MCPH1: variants seen among roughly 807,000 people sequenced by gnomAD.
The protein encoded by MCPH1 is microcephalin.
A neutral mutation model predicts 84.5 loss-of-function variants in MCPH1; 104 were observed. The observed-to-expected ratio is 1.23, with a 90% CI of 1.05 to 1.45. The LOEUF (loss-of-function observed/expected upper bound fraction) is 1.45. Ranked by LOEUF, MCPH1 falls within the 40% of genes most tolerant of loss-of-function variation. The pLI is 0.00. For missense variants in MCPH1, 1,498 were observed against 1,005.7 expected (o/e 1.49, Z -6.62); for synonymous variants, 514 against 366.8 (o/e 1.40, Z -4.58).
chr8:6,469,559 G>C (rs1215148128), intron 9 of MCPH1, among the ~76,000 whole-genome samples: 1 of 151,996 alleles, frequency 6.6e-6, no homozygotes, highest in African/African-American at 2.4e-5. Context: ...TATTTAGATG[G>C]GCTTATACTG....
In MCPH1 at chr8:6,505,458, A is replaced by T. The variant is rs1290116134; in HGVS notation, c.2214+5529A>T. Among the ~76,000 whole-genome samples the T allele has an allele frequency of 1.7e-4, 12 of 71,292 alleles. 1 individual carries two copies. The highest frequency in any genetic ancestry group is 6.0e-4 in the African/African-American group (12 of 20,018). 46.8% of individuals were successfully genotyped at this position (71,292 alleles called of 152,430 possible). Reference sequence around the variant, plus strand: ...TATATTCTTTATATACATATAGAATATATATATTCTTTACATATATAGAAT... The same window carrying T: ...TATATTCTTTATATACATATAGAATTTATATATTCTTTACATATATAGAAT... On this transcript the variant is annotated intron_variant, in intron 12 of 13. Coordinates refer to ENST00000344683, the MANE Select transcript of MCPH1 (RefSeq NM_024596.5).
In MCPH1 at chr8:6,527,431, G is replaced by A. The variant is rs57630495; in HGVS notation, c.2214+27502G>A. The A allele has an allele frequency of 2.2e-3, 2,649 of 1,189,872 alleles. 55 individuals are homozygous for A. In the South Asian group the frequency reaches 0.029, roughly 13 times the overall value. 73.7% of individuals were successfully genotyped at this position (1,189,872 alleles called of 1,614,324 possible). ...CCCTCTCCCTTCTCCTCCCTCATGA[G>A]GTTTCTGACCCTTACACTAGACATG... On this transcript the variant is annotated intron_variant, in intron 12 of 13. Transcript: ENST00000344683.
At chr8:6,521,195 A>G (rs1388929577) in intron 12 of MCPH1, 3 of 1,613,026 alleles carry the variant, frequency 1.9e-6, no homozygotes, top group East Asian at 2.2e-5. Context: ...TGTGGACATC[A>G]TAGTCAGTAA....
intron 9 of MCPH1, among the ~76,000 whole-genome samples, chr8:6,458,288 C>T (rs773240351): frequency 3.3e-5 from 5 of 151,904 alleles, no homozygotes; most frequent in Admixed American, 6.6e-5. Context: ...CTGGCTAAGA[C>T]GGTGAAACCC....
chr8:6,557,051 T>C (rs147562297), intron 12 of MCPH1, among the ~76,000 whole-genome samples: 4 of 152,314 alleles, frequency 2.6e-5, no homozygotes, highest in African/African-American at 9.6e-5. Context: ...CGGGGTCATA[T>C]GGTGTTCACT....
intron 12 of MCPH1, among the ~76,000 whole-genome samples, chr8:6,528,800 A>G (rs746630661): frequency 2.0e-5 from 3 of 152,200 alleles, no homozygotes; most frequent in Non-Finnish European, 2.9e-5. Context: ...TGGTGTCTTT[A>G]TGTCATTTGC....
intron 8 of MCPH1, among the ~76,000 whole-genome samples, chr8:6,452,930 C>G (rs1420530375): frequency 1.3e-5 from 2 of 152,188 alleles, no homozygotes; most frequent in African/African-American, 4.8e-5. Context: ...TGGAGACATT[C>G]AAAATAGATG....
In MCPH1 at chr8:6,426,103, G is replaced by A. The variant is rs749080140; in HGVS notation, c.234-5396G>A. ...TTTCCTTCCTCGTTCTCTTCCACCC[G>A]CCTCCCTTTCCCATCACTTTTATTA... On this transcript the variant is annotated intron_variant, in intron 3 of 13. Transcript: ENST00000344683. Among the ~76,000 whole-genome samples, 21 of 152,112 alleles carry A rather than the reference G, an allele frequency of 1.4e-4. 1 individual carries two copies. The highest frequency in any genetic ancestry group is 4.3e-4 in the African/African-American group (18 of 41,488).
chr8:6,532,224 G>C, intron 12 of MCPH1: 1 of 1,254,210 alleles, frequency 8.0e-7, no homozygotes, highest in South Asian at 1.3e-5. Context: ...TTCTCCTGTG[G>C]TGGTGCTTTC....
Position 6,464,261 on chromosome 8 carries a change from G to C in MCPH1, c.1935+9009G>C, listed in dbSNP as rs78448878. On this transcript the variant is annotated intron_variant, in intron 9 of 13. Coordinates refer to ENST00000344683, the MANE Select transcript of MCPH1 (RefSeq NM_024596.5). ...TGGCAGAGTGTACCCAGAGCTGGCA[G>C]TGGCGGGGATGTGCTCGTTGTAACA... is the stretch of plus-strand genomic sequence containing the variant. 3.1e-3 allele frequency among the ~76,000 whole-genome samples: 473 copies of C among 152,328 alleles called. 4 individuals carry two copies. The highest frequency in any genetic ancestry group is 0.011 in the African/African-American group (451 of 41,564).
chr8:6,608,213 A>G (rs1309604717), intron 12 of MCPH1, among the ~76,000 whole-genome samples: 1 of 152,216 alleles, frequency 6.6e-6, no homozygotes, highest in East Asian at 1.9e-4. Context: ...AGCACAGTGA[A>G]AACAATGCCA....
At chr8:6,456,169 G>A (rs951269400) in intron 9 of MCPH1, among the ~76,000 whole-genome samples, 1 of 152,138 alleles carries the variant, frequency 6.6e-6, no homozygotes, top group African/African-American at 2.4e-5. Flanking sequence ...AAAAAAAAGT[G>A]GAGCAAGAAA....
At chr8:6,544,335 G>A (rs1015576863) in intron 12 of MCPH1, among the ~76,000 whole-genome samples, 11 of 152,142 alleles carry the variant, frequency 7.2e-5, no homozygotes, top group African/African-American at 1.7e-4. Flanking sequence ...ACTGTGTTCC[G>A]TGATGATTAT....
chr8:6,627,420 C>T (rs1008588325), intron 13 of MCPH1: 22 of 281,008 alleles, frequency 7.8e-5, no homozygotes, highest in Non-Finnish European at 1.2e-4. Flanking sequence ...CACCCAGGAG[C>T]TCAGCAACCG....
chr8:6,416,070 T>C (rs1799246134), intron 3 of MCPH1, among the ~76,000 whole-genome samples: 1 of 152,230 alleles, frequency 6.6e-6, no homozygotes, highest in African/African-American at 2.4e-5. Context: ...TGAAATTGTT[T>C]TCTTAATTTT....
chr8:6,620,460 C>G (rs1004568205), intron 12 of MCPH1, among the ~76,000 whole-genome samples: 1 of 152,128 alleles, frequency 6.6e-6, no homozygotes. Flanking sequence ...GCACCCTACC[C>G]CTGCCTCCGA....
chr8:6,522,208 C>T (rs188593205), intron 12 of MCPH1, among the ~76,000 whole-genome samples: 131 of 152,008 alleles, frequency 8.6e-4, no homozygotes, highest in African/African-American at 2.8e-3. Context: ...ACAAAAAATT[C>T]TCCAGGCGTG....
intron 12 of MCPH1, among the ~76,000 whole-genome samples, chr8:6,603,074 A>G (rs924194202): frequency 1.3e-5 from 2 of 151,648 alleles, no homozygotes; most frequent in Admixed American, 6.6e-5. Flanking sequence ...TCCCCCAAAC[A>G]CTAGTTTTCA....
At position 6,527,882 on chromosome 8, in the gene MCPH1, CTT is replaced by C. The variant is rs1465352391; in HGVS notation, c.2214+27956_2214+27957del. ...TCTGAGTGTGTTAAACCTTTTTACT[CTT>C]TTCCCCACGTCTCTATTTTTTTTTT... On this transcript the variant is annotated intron_variant, in intron 12 of 13. Transcript: ENST00000344683. Among the ~76,000 whole-genome samples, 13 of 146,982 alleles carry C rather than the reference CTT, an allele frequency of 8.8e-5. No homozygotes were observed. The East Asian group carries it at 2.6e-3, about 29-fold the overall frequency.
Sources: gnomAD v4.1 joint callset for allele counts (sites outside exome capture counted in the v4.1 genomes callset) on GRCh38, gnomAD v4.1.1 for gene constraint, MANE v1.5 for transcripts, NCBI Gene and HGNC (gene_info 2026-07-23, HGNC 2026-07-21) for gene names.